The following TBC1D15 variants were observed in gnomAD, a reference collection of about 807,000 sequenced individuals.
TBC1D15 encodes the protein TBC1 domain family member 15, also known as GAP for RAB7.
TBC1D15 carries 39 observed loss-of-function variants against 95.4 expected under a neutral mutation model. The ratio of observed to expected loss-of-function variants is 0.41; its 90% CI spans 0.32 to 0.53. TBC1D15 has a LOEUF of 0.53. TBC1D15 is among the 20% of genes least tolerant of loss of function. The pLI is 0.29. For missense variants in TBC1D15, 733 were observed against 794.3 expected, an observed-to-expected ratio of 0.92 and a Z score of 0.93; for synonymous variants, 258 against 261.3, an observed-to-expected ratio of 0.99 and a Z score of 0.12.
chr12:71,856,440 AG>A (rs1190772412), intron 1 of TBC1D15, among the ~76,000 whole-genome samples: 3 of 152,102 alleles, frequency 2.0e-5, no homozygotes, highest in Non-Finnish European at 4.4e-5. Context: ...TTCTTATGGG[AG>A]GAGTCTCCAA....
intron 1 of TBC1D15, among the ~76,000 whole-genome samples, chr12:71,870,243 C>T (rs1046418371): frequency 6.6e-6 from 1 of 152,028 alleles, no homozygotes; most frequent in African/African-American, 2.4e-5. Context: ...CCCTTTCCTC[C>T]TCCCCTTCTC....
At chr12:71,886,922 G>A (rs1566013318) in intron 5 of TBC1D15, among the ~76,000 whole-genome samples, 1 of 152,144 alleles carries the variant, frequency 6.6e-6, no homozygotes. Context: ...CATTTGGTCT[G>A]AGACTGTTGA....
chr12:71,902,936 G>A (rs563572984), intron 10 of TBC1D15, among the ~76,000 whole-genome samples: 15 of 151,886 alleles, frequency 9.9e-5, no homozygotes, highest in South Asian at 4.2e-4. Flanking sequence ...TTTTTGAGAC[G>A]GAGTCTCGCT....
intron 16 of TBC1D15, among the ~76,000 whole-genome samples, chr12:71,921,888 C>G (rs999484573): frequency 2.0e-5 from 3 of 152,168 alleles, no homozygotes; most frequent in African/African-American, 4.8e-5. Flanking sequence ...TAAAACAAGG[C>G]AAATTTGATG....
intron 10 of TBC1D15, among the ~76,000 whole-genome samples, chr12:71,904,046 G>GAGT (rs1900088191): frequency 1.3e-5 from 2 of 152,138 alleles, no homozygotes; most frequent in Admixed American, 1.3e-4. Context: ...ATTGCCAAGG[G>GAGT]AGTAGTACAG....
At chr12:71,911,572 A>T (rs1365641673) in intron 11 of TBC1D15, among the ~76,000 whole-genome samples, 3 of 139,666 alleles carry the variant, frequency 2.1e-5, no homozygotes, top group Non-Finnish European at 4.6e-5. Flanking sequence ...GAATTGAACA[A>T]TGAGAACACA....
intron 10 of TBC1D15, among the ~76,000 whole-genome samples, chr12:71,903,451 C>T (rs1899924124): frequency 6.6e-6 from 1 of 152,112 alleles, no homozygotes; most frequent in Non-Finnish European, 1.5e-5. Context: ...CTGTGAAAAG[C>T]AGTCTAGAAA....
At chr12:71,879,033 ACT>A (rs1468396617) in intron 3 of TBC1D15, among the ~76,000 whole-genome samples, 2 of 152,194 alleles carry the variant, frequency 1.3e-5, no homozygotes, top group East Asian at 3.9e-4. Flanking sequence ...AAAGAATTAT[ACT>A]ATTGACACAT....
Position 71,917,908 on chromosome 12 carries a change from C to A in TBC1D15, c.1501+111C>A, listed in dbSNP as rs569558757. The stretch of plus-strand genomic sequence containing the variant: ...GTGCAGTGGCTCATGCCTATAATCC[C>A]AGCACTTTGGAAGCCAAGGAGGGAG... On this transcript the variant is annotated intron_variant, in intron 13 of 16. Coordinates refer to ENST00000485960, the MANE Select transcript of TBC1D15 (RefSeq NM_001146213.3). The A allele has an allele frequency of 8.6e-5, 57 of 663,902 alleles. No homozygotes were observed. The South Asian group carries it at 1.2e-3, about 14-fold the overall frequency. The allele number at this position is 663,902 out of a possible 1,614,324, so 41.1% of individuals were successfully genotyped here. A position where few individuals can be genotyped will look rare whatever the true frequency, so the allele number is the denominator to read the frequency against.
Position 71,893,290 on chromosome 12 carries a change from ATCT to A in TBC1D15, c.628_630del (p.Leu210del). 1.2e-6 allele frequency: 2 copies of A among 1,610,230 alleles called. No homozygotes were observed. Among genetic ancestry groups the A allele is most frequent in the Non-Finnish European group, 1.7e-6 (2 of 1,177,924 alleles). On this transcript the variant is annotated inframe_deletion, in exon 6 of 17. Transcript: ENST00000485960. Reference sequence around the variant, plus strand: ...AAGAGTCTTTCACAGTCTTTTGAAAATCTTCTTGATGAGCCAGCATATGGTTTA... The same window carrying A: ...AAGAGTCTTTCACAGTCTTTTGAAAATCTTGATGAGCCAGCATATGGTTTA...
chr12:71,877,891 A>T (rs549516656), intron 3 of TBC1D15, among the ~76,000 whole-genome samples: 67 of 152,164 alleles, frequency 4.4e-4, no homozygotes, highest in African/African-American at 1.5e-3. Context: ...CTTGTCTTTG[A>T]TGTTTGTTGC....
chr12:71,844,232 G>A (rs1416328708), intron 1 of TBC1D15, among the ~76,000 whole-genome samples: 2 of 152,138 alleles, frequency 1.3e-5, no homozygotes, highest in Non-Finnish European at 2.9e-5. Flanking sequence ...CACTTTATTG[G>A]CTTAGAAAAG....
chr12:71,877,138 T>C (rs978429247), intron 3 of TBC1D15, among the ~76,000 whole-genome samples: 2 of 151,768 alleles, frequency 1.3e-5, no homozygotes, highest in Non-Finnish European at 2.9e-5. Context: ...TCAGGTTTTC[T>C]ACTTTCCTTT....
chr12:71,914,729 G>A (rs186804863), intron 12 of TBC1D15, among the ~76,000 whole-genome samples: 11 of 152,060 alleles, frequency 7.2e-5, no homozygotes, highest in Non-Finnish European at 1.2e-4. Flanking sequence ...TTGCTTGCAA[G>A]GGATAAACAT....
At chr12:71,861,136 T>C (rs1177259591) in intron 1 of TBC1D15, among the ~76,000 whole-genome samples, 3 of 152,192 alleles carry the variant, frequency 2.0e-5, no homozygotes, top group African/African-American at 7.2e-5. Context: ...TTTGCATCTG[T>C]ATTCATCAGG....
At chr12:71,900,438 G>C (rs1369236478) in intron 10 of TBC1D15, among the ~76,000 whole-genome samples, 2 of 152,060 alleles carry the variant, frequency 1.3e-5, no homozygotes, top group African/African-American at 4.8e-5. Context: ...TTTGTATCCT[G>C]CTGCTCAAGG....
intron 1 of TBC1D15, chr12:71,861,590 T>A (rs1358861408): frequency 8.5e-7 from 1 of 1,179,246 alleles, no homozygotes; most frequent in African/African-American, 1.6e-5. Context: ...TTTTCACTTT[T>A]TTTCTTGGTT....
rs1870034115 is a variant in TBC1D15 at position 71,923,035 on chromosome 12, C to A, written c.1856C>A (p.Thr619Lys). The A allele has an allele frequency of 6.2e-7, 1 of 1,614,108 alleles. No homozygotes were observed. The highest frequency in any genetic ancestry group is 8.5e-7 in the Non-Finnish European group (1 of 1,180,050). The part of the protein sequence containing the change: ...EILGLQGSEV[T>K]TPDSDVGEDE... Reference sequence around the variant, plus strand: ...CTTGGGCTTCAAGGCAGTGAAGTTACAACACCAGATTCAGACGTTGGTGAA... The same window carrying A: ...CTTGGGCTTCAAGGCAGTGAAGTTAAAACACCAGATTCAGACGTTGGTGAA... The change falls in exon 17 of 17, where the codon ACA (threonine) becomes AAA (lysine). Residue 619 changes from threonine (T) to lysine (K), a missense_variant. Transcript: ENST00000485960.
At chr12:71,878,393 G>C (rs1015142661) in intron 3 of TBC1D15, among the ~76,000 whole-genome samples, 8 of 152,074 alleles carry the variant, frequency 5.3e-5, no homozygotes, top group African/African-American at 1.9e-4. Context: ...TGCAGAGTTG[G>C]TAGGGGGAAG....
Sources: allele counts gnomAD v4.1 joint callset (sites outside exome capture counted in the v4.1 genomes callset), GRCh38; gene constraint gnomAD v4.1.1; transcripts MANE v1.5; gene names NCBI Gene and HGNC (gene_info 2026-07-23, HGNC 2026-07-21).